The following DNAJC1 variants were observed in gnomAD, a reference collection of about 807,000 sequenced individuals.
DNAJC1 encodes the protein dnaJ homolog subfamily C member 1.
Under a neutral mutation model 76.6 loss-of-function variants are expected in DNAJC1, and 58 were observed. The ratio of observed to expected loss-of-function variants is 0.76; its 90% CI spans 0.61 to 0.94. The LOEUF (loss-of-function observed/expected upper bound fraction) is 0.94. Among genes scored for constraint, DNAJC1 ranks in the 40% least tolerant of loss-of-function variants. The pLI is 0.00. For missense variants in DNAJC1, 689 were observed against 677.3 expected (o/e 1.02, Z -0.19); for synonymous variants, 258 against 267.9 (o/e 0.96, Z 0.36).
chr10:21,922,229 A>G (rs1837053653), intron 3 of DNAJC1, among the ~76,000 whole-genome samples: 1 of 152,024 alleles, frequency 6.6e-6, no homozygotes, highest in South Asian at 2.1e-4. Context: ...TTTGATAGTT[A>G]TTAAATTGAT....
intron 6 of DNAJC1, among the ~76,000 whole-genome samples, chr10:21,906,527 G>A (rs1257335035): frequency 6.6e-6 from 1 of 152,134 alleles, no homozygotes; most frequent in Non-Finnish European, 1.5e-5. Flanking sequence ...CTTGAGGGGA[G>A]TAGGAAATGT....
At chr10:21,918,678 C>T (rs1836991912) in intron 6 of DNAJC1, 101 bp downstream of exon 6, 1 of 747,748 alleles carries the variant, frequency 1.3e-6, no homozygotes, top group African/African-American at 1.8e-5. Context: ...TATAAAGCAT[C>T]CACTGCATAT....
chr10:21,887,895 A>C (rs898489222), intron 7 of DNAJC1, among the ~76,000 whole-genome samples: 13 of 152,232 alleles, frequency 8.5e-5, no homozygotes, highest in African/African-American at 3.1e-4. Flanking sequence ...CTGAGATTTA[A>C]ACTTAAGAGC....
At chr10:21,865,623 T>C (rs533508470) in intron 8 of DNAJC1, 2 of 152,226 alleles carry the variant, frequency 1.3e-5, no homozygotes, top group African/African-American at 4.8e-5. Flanking sequence ...AAAATCTACA[T>C]GTTCAATATC....
At chr10:21,764,464 C>T (rs971472002) in intron 10 of DNAJC1, among the ~76,000 whole-genome samples, 20 of 152,172 alleles carry the variant, frequency 1.3e-4, no homozygotes, top group Non-Finnish European at 2.8e-4. Context: ...TAAGAAACAG[C>T]CAAATACCTC....
intron 11 of DNAJC1, among the ~76,000 whole-genome samples, chr10:21,757,170 G>T (rs1035272693): frequency 3.3e-5 from 5 of 152,218 alleles, no homozygotes; most frequent in Non-Finnish European, 7.3e-5. Flanking sequence ...CCTAGGCGCT[G>T]CTAAGACCTT....
intron 6 of DNAJC1, among the ~76,000 whole-genome samples, chr10:21,910,981 GAGAA>G (rs1254591315): frequency 1.7e-4 from 26 of 149,062 alleles, no homozygotes; most frequent in African/African-American, 6.4e-4. Context: ...GGGGGGAAGA[GAGAA>G]AGAGGGAGAG....
intron 8 of DNAJC1, among the ~76,000 whole-genome samples, chr10:21,856,679 C>T (rs146540896): frequency 0.014 from 2,107 of 152,040 alleles, 33 homozygotes; most frequent in South Asian, 0.047. Flanking sequence ...AAATTGGTTA[C>T]ACTGCAAGAT....
intron 3 of DNAJC1, among the ~76,000 whole-genome samples, chr10:21,927,039 G>T (rs1489134529): frequency 6.6e-6 from 1 of 152,048 alleles, no homozygotes; most frequent in Non-Finnish European, 1.5e-5. Flanking sequence ...ACCTTTACAG[G>T]CACATTCTTG....
chr10:21,879,431 C>T (rs976901229), intron 8 of DNAJC1, among the ~76,000 whole-genome samples: 4 of 152,090 alleles, frequency 2.6e-5, no homozygotes, highest in African/African-American at 9.7e-5. Context: ...TGAGACCAGC[C>T]TGGCCAACAC....
At chr10:21,882,202 T>C in intron 8 of DNAJC1, 80 bp downstream of exon 8, 1 of 1,306,524 alleles carries the variant, frequency 7.7e-7, no homozygotes, top group Non-Finnish European at 1.0e-6. Context: ...AACAAAGCAC[T>C]ATATCGTGAG....
At chr10:21,914,652 G>C (rs1836922932) in intron 6 of DNAJC1, among the ~76,000 whole-genome samples, 1 of 152,124 alleles carries the variant, frequency 6.6e-6, no homozygotes, top group Admixed American at 6.5e-5. Flanking sequence ...AATACAGTCT[G>C]AGAAGACAGT....
At chr10:21,837,214 T>C (rs1424322400) in intron 8 of DNAJC1, among the ~76,000 whole-genome samples, 1 of 152,212 alleles carries the variant, frequency 6.6e-6, no homozygotes, top group Non-Finnish European at 1.5e-5. Context: ...CACTCAGTGC[T>C]CAATGTTGCC....
chr10:21,976,141 A>T (rs1838058464), intron 1 of DNAJC1, among the ~76,000 whole-genome samples: 1 of 152,146 alleles, frequency 6.6e-6, no homozygotes, highest in Admixed American at 6.5e-5. Flanking sequence ...TTTTCAAAAG[A>T]CAGTAATAGA....
intron 8 of DNAJC1, among the ~76,000 whole-genome samples, chr10:21,831,682 C>T (rs1835358285): frequency 6.7e-6 from 1 of 149,330 alleles, no homozygotes; most frequent in Non-Finnish European, 1.5e-5. Context: ...CCCAGCTACT[C>T]AGGAGGCTGA....
At chr10:21,829,150 C>A (rs1159191688) in intron 8 of DNAJC1, among the ~76,000 whole-genome samples, 2 of 152,024 alleles carry the variant, frequency 1.3e-5, no homozygotes, top group African/African-American at 4.8e-5. Flanking sequence ...CCTGCCACAG[C>A]CTCCCAAGTA....
intron 9 of DNAJC1, among the ~76,000 whole-genome samples, chr10:21,773,290 T>C (rs1834411785): frequency 1.3e-5 from 2 of 152,308 alleles, no homozygotes; most frequent in Admixed American, 1.3e-4. Context: ...CTCTAAGAAG[T>C]GTGCTAGCTG....
In DNAJC1 at chr10:21,875,266, G is replaced by A. The variant is rs552927619; in HGVS notation, c.978+7016C>T. ...AAACTCCTGGACTCAAGAGATCCTC[G>A]TGCCCCAGCCTCCCAACTTGCTGAG... On this transcript the variant is annotated intron_variant, in intron 8 of 11. Coordinates refer to ENST00000376980, the MANE Select transcript of DNAJC1 (RefSeq NM_022365.4). Among the ~76,000 whole-genome samples, 17 of 152,190 alleles carry A rather than the reference G, an allele frequency of 1.1e-4. No individual in the cohort carries two copies. The East Asian group carries it at 1.2e-3, about 10-fold the overall frequency.
At chr10:21,815,468 T>C (rs1041687683) in intron 8 of DNAJC1, among the ~76,000 whole-genome samples, 3 of 152,168 alleles carry the variant, frequency 2.0e-5, no homozygotes, top group African/African-American at 7.2e-5. Flanking sequence ...TTGCTATCAG[T>C]AATAAACTGT....
Sources: gnomAD v4.1 joint callset for allele counts (sites outside exome capture counted in the v4.1 genomes callset) on GRCh38, gnomAD v4.1.1 for gene constraint, MANE v1.5 for transcripts, NCBI Gene and HGNC (gene_info 2026-07-23, HGNC 2026-07-21) for gene names.